The following GALNT13 variants were observed in gnomAD, a reference collection of about 807,000 sequenced individuals.
GALNT13 encodes UDP-GalNAc:polypeptide N-acetylgalactosaminyltransferase 13.
GALNT13 carries 28 observed loss-of-function variants against 64.2 expected under a neutral mutation model. The observed-to-expected ratio is 0.44, with a 90% CI of 0.32 to 0.60. The LOEUF (loss-of-function observed/expected upper bound fraction) is 0.60, where lower values mean the gene tolerates loss of function less well. Among genes scored for constraint, GALNT13 ranks in the 20% least tolerant of loss-of-function variants. The pLI, the probability that GALNT13 is intolerant of heterozygous loss-of-function variation, is 0.05. For missense variants in GALNT13, 577 were observed against 669.8 expected (o/e 0.86, Z 1.53); for synonymous variants, 214 against 224.6 (o/e 0.95, Z 0.42).
At chr2:153,207,826 T>C in the GALNT13 span, among the ~76,000 whole-genome samples, 1 of 152,162 alleles carries the variant, frequency 6.6e-6, no homozygotes, top group East Asian at 1.9e-4. Context: ...ATTGAAGCAC[T>C]TGGCAGCACC....
chr2:153,251,019 T>C, the GALNT13 span, among the ~76,000 whole-genome samples: 86 of 152,324 alleles, frequency 5.6e-4, no homozygotes, highest in African/African-American at 2.0e-3. Flanking sequence ...ATTCTGCACA[T>C]GTATCCCAAC....
the GALNT13 span, among the ~76,000 whole-genome samples, chr2:153,453,261 T>C: frequency 6.6e-6 from 1 of 152,052 alleles, no homozygotes; most frequent in East Asian, 1.9e-4. Flanking sequence ...AAACAAAAAT[T>C]GACAAGTGGA....
At chr2:153,533,497 C>T in the GALNT13 span, among the ~76,000 whole-genome samples, 48 of 151,970 alleles carry the variant, frequency 3.2e-4, 1 homozygote, top group East Asian at 5.7e-3. Context: ...GGTGATCCAC[C>T]GCCTCATCCT....
chr2:154,391,302 T>A (rs1698780119), intron 9 of GALNT13, among the ~76,000 whole-genome samples: 3 of 152,194 alleles, frequency 2.0e-5, no homozygotes, highest in Admixed American at 2.0e-4. Flanking sequence ...CAGTCATTGT[T>A]ATCTGGGTTA....
chr2:153,915,507 C>G (rs1689266474), intron 2 of GALNT13, among the ~76,000 whole-genome samples: 2 of 152,152 alleles, frequency 1.3e-5, no homozygotes, highest in African/African-American at 2.4e-5. Flanking sequence ...ACCTCATTCT[C>G]TCTTATTCTG....
chr2:153,275,622 CTCTCTT>C, the GALNT13 span, among the ~76,000 whole-genome samples: 2 of 132,798 alleles, frequency 1.5e-5, no homozygotes, highest in Admixed American at 7.3e-5. Flanking sequence ...GATAATGTCT[CTCTCTT>C]TCTCTCTCAT....
At chr2:153,147,222 C>T in the GALNT13 span, among the ~76,000 whole-genome samples, 8 of 151,792 alleles carry the variant, frequency 5.3e-5, no homozygotes, top group African/African-American at 1.2e-4. Context: ...CTTAGGTTCA[C>T]GCTCTGATCC....
At chr2:153,504,041 T>C in the GALNT13 span, among the ~76,000 whole-genome samples, 1 of 152,202 alleles carries the variant, frequency 6.6e-6, no homozygotes, top group East Asian at 1.9e-4. Flanking sequence ...CATTTGTTTG[T>C]TTGTGTTGTT....
At chr2:153,392,688 C>G in the GALNT13 span, among the ~76,000 whole-genome samples, 1 of 152,032 alleles carries the variant, frequency 6.6e-6, no homozygotes, top group Non-Finnish European at 1.5e-5. Context: ...GAATTACATA[C>G]TCTTCTGAAT....
At chr2:153,181,880 A>G in the GALNT13 span, among the ~76,000 whole-genome samples, 1 of 147,112 alleles carries the variant, frequency 6.8e-6, no homozygotes, top group Non-Finnish European at 1.5e-5. Context: ...ATTTATATAA[A>G]CATATTTATA....
At chr2:153,473,231 C>A in the GALNT13 span, among the ~76,000 whole-genome samples, 1 of 151,988 alleles carries the variant, frequency 6.6e-6, no homozygotes, top group Admixed American at 6.6e-5. Context: ...TTACAACAGT[C>A]CTTAGAGGAG....
the GALNT13 span, among the ~76,000 whole-genome samples, chr2:153,807,003 G>C: frequency 6.6e-6 from 1 of 152,002 alleles, no homozygotes; most frequent in Non-Finnish European, 1.5e-5. Context: ...AAAGTGAAGG[G>C]GATTGGGAAG....
At chr2:153,078,643 T>G in the GALNT13 span, among the ~76,000 whole-genome samples, 2 of 152,080 alleles carry the variant, frequency 1.3e-5, no homozygotes. Flanking sequence ...TTCCTCTTGA[T>G]TTACACCTCC....
the GALNT13 span, among the ~76,000 whole-genome samples, chr2:153,119,056 C>T: frequency 6.6e-5 from 10 of 152,106 alleles, no homozygotes; most frequent in African/African-American, 1.7e-4. Context: ...TCGCTTTGCA[C>T]TTCTGCTTGC....
chr2:154,377,666 CATTCATCATTT>C lies in GALNT13; in HGVS notation c.1157-18321_1157-18311del, dbSNP rs200493799. Among the ~76,000 whole-genome samples, 1,169 of 152,248 alleles carry C rather than the reference CATTCATCATTT, an allele frequency of 7.7e-3. 13 individuals are homozygous for C. The highest frequency in any genetic ancestry group is 0.024 in the African/African-American group (1,000 of 41,556). On this transcript the variant is annotated intron_variant, in intron 9 of 12. Transcript: ENST00000392825. Reference sequence around the variant, plus strand: ...TCTGACTTAAAAATAATAGTTCATTCATTCATCATTTATTATCTAATATGTCCCAGGCATTC... The same window carrying C: ...TCTGACTTAAAAATAATAGTTCATTCATTATCTAATATGTCCCAGGCATTC...
chr2:153,769,047 C>T, the GALNT13 span, among the ~76,000 whole-genome samples: 1 of 151,838 alleles, frequency 6.6e-6, no homozygotes, highest in Non-Finnish European at 1.5e-5. Flanking sequence ...ATTTTTTAAC[C>T]CAACTTGCTA....
At chr2:154,351,440 T>C (rs1338314130) in intron 9 of GALNT13, among the ~76,000 whole-genome samples, 1 of 151,748 alleles carries the variant, frequency 6.6e-6, no homozygotes, top group Non-Finnish European at 1.5e-5. Flanking sequence ...TCCCAGCACT[T>C]TGGGAGGCCG....
intron 9 of GALNT13, among the ~76,000 whole-genome samples, chr2:154,394,436 T>G (rs1015713685): frequency 2.0e-5 from 3 of 152,162 alleles, no homozygotes; most frequent in African/African-American, 7.2e-5. Flanking sequence ...AAAGGGAGGA[T>G]GTTGATATTA....
intron 8 of GALNT13, among the ~76,000 whole-genome samples, chr2:154,299,341 A>G (rs1194363058): frequency 6.6e-6 from 1 of 152,028 alleles, no homozygotes; most frequent in Non-Finnish European, 1.5e-5. Context: ...GTGATAGGAT[A>G]GCGATTAACT....
Sources: gnomAD v4.1 joint callset for allele counts (sites outside exome capture counted in the v4.1 genomes callset) on GRCh38, gnomAD v4.1.1 for gene constraint, MANE v1.5 for transcripts, NCBI Gene and HGNC (gene_info 2026-07-23, HGNC 2026-07-21) for gene names.